Variants in DGKG observed in about 807,000 individuals in gnomAD.
The protein encoded by DGKG is diacylglycerol kinase gamma, also known as DAG kinase gamma.
DGKG carries 78 observed loss-of-function variants against 105.3 expected under a neutral mutation model. The ratio of observed to expected loss-of-function variants is 0.74; its 90% CI spans 0.62 to 0.89. DGKG has a LOEUF of 0.89. Ranked by LOEUF, DGKG falls within the 40% of genes least tolerant of loss-of-function variation. The pLI, the probability that DGKG is intolerant of heterozygous loss-of-function variation, is 0.00. For synonymous variants in DGKG, 346 were observed against 367.1 expected, an observed-to-expected ratio of 0.94 and a Z score of 0.66; for missense variants, 958 against 1,020.1, an observed-to-expected ratio of 0.94 and a Z score of 0.83.
At chr3:186,297,524 T>TTCCAAGAAGCTGGAGGGC in intron 4 of DGKG, 41 bp from the exon 5 acceptor site, 1 of 1,461,432 alleles carries the variant, frequency 6.8e-7, no homozygotes, top group Non-Finnish European at 9.6e-7. Context: ...ACCCAGGCCC[T>TTCCAAGAAGCTGGAGGGC]CTAGCTTCTT....
intron 20 of DGKG, among the ~76,000 whole-genome samples, chr3:186,228,607 G>A (rs933195947): frequency 6.6e-6 from 1 of 151,924 alleles, no homozygotes; most frequent in African/African-American, 2.4e-5. Context: ...GGGAACCTCC[G>A]GCCTCTCCGC....
At chr3:186,153,221 ATCC>A (rs1201460299) in intron 24 of DGKG, among the ~76,000 whole-genome samples, 1 of 152,132 alleles carries the variant, frequency 6.6e-6, no homozygotes, top group African/African-American at 2.4e-5. Context: ...ATGAAATCAT[ATCC>A]TCATTTCCAG....
chr3:186,234,689 G>A (rs1578702919), intron 20 of DGKG, among the ~76,000 whole-genome samples: 1 of 152,272 alleles, frequency 6.6e-6, no homozygotes, highest in Middle Eastern at 3.4e-3. Flanking sequence ...CTGGCCAGTG[G>A]GTAACCTTGT....
chr3:186,310,409 C>T (rs1578815671), intron 2 of DGKG, among the ~76,000 whole-genome samples: 2 of 151,964 alleles, frequency 1.3e-5, no homozygotes, highest in South Asian at 4.1e-4. Flanking sequence ...GTATCAATAC[C>T]CTTTAAAAAA....
chr3:186,247,254 G>C (rs1372125501), intron 19 of DGKG, among the ~76,000 whole-genome samples: 1 of 152,202 alleles, frequency 6.6e-6, no homozygotes, highest in African/African-American at 2.4e-5. Flanking sequence ...GAGGCCAGGA[G>C]ACCCTGCCTT....
intron 22 of DGKG, among the ~76,000 whole-genome samples, chr3:186,182,806 CT>C (rs1423606741): frequency 2.0e-5 from 3 of 152,162 alleles, no homozygotes; most frequent in Non-Finnish European, 4.4e-5. Context: ...CCTCTCTCCC[CT>C]CTTCCAACAA....
intron 20 of DGKG, 107 bp downstream of exon 20, chr3:186,242,397 G>T: frequency 1.1e-6 from 1 of 888,284 alleles, no homozygotes; most frequent in Non-Finnish European, 1.7e-6. Context: ...GGAAGGCCAA[G>T]TCCCCAGCGG....
intron 20 of DGKG, 91 bp downstream of exon 20, chr3:186,242,413 G>A (rs891351509): frequency 8.6e-7 from 1 of 1,162,040 alleles, no homozygotes. Context: ...AGCGGCCCTG[G>A]CTGGGAAAAT....
Position 186,150,293 on chromosome 3 carries a change from C to G in DGKG, c.2278-105G>C, listed in dbSNP as rs193124874. On this transcript the variant is annotated intron_variant, in intron 24 of 24. Transcript: ENST00000265022. ...AAGGCCAGCTTCAGGATGGAAGGAG[C>G]CCCATGCAGAAGGACAACTGTCCTT... 19 of 1,394,018 alleles carry G rather than the reference C, an allele frequency of 1.4e-5. No individual in the cohort carries two copies. In the Admixed American group the frequency reaches 4.5e-4, roughly 33 times the overall value. 86.4% of individuals were successfully genotyped at this position (1,394,018 alleles called of 1,614,324 possible).
intron 13 of DGKG, among the ~76,000 whole-genome samples, chr3:186,265,819 C>T (rs1229670535): frequency 4.6e-5 from 7 of 151,880 alleles, no homozygotes; most frequent in African/African-American, 1.2e-4. Flanking sequence ...CGTGCCACCA[C>T]GCCCAGCTAA....
chr3:186,160,825 G>T (rs562004618), intron 24 of DGKG: 1 of 985,322 alleles, frequency 1.0e-6, no homozygotes, highest in East Asian at 1.1e-4. Context: ...TCTAACTGAG[G>T]ACAAACTAAG....
intron 1 of DGKG, among the ~76,000 whole-genome samples, chr3:186,345,909 C>T (rs1726308262): frequency 6.6e-6 from 1 of 152,132 alleles, no homozygotes; most frequent in Non-Finnish European, 1.5e-5. Context: ...GCTGGGATTA[C>T]AGGTGCCCGC....
chr3:186,341,590 G>A (rs750314254), intron 1 of DGKG, among the ~76,000 whole-genome samples: 12 of 152,190 alleles, frequency 7.9e-5, no homozygotes, highest in Admixed American at 2.6e-4. Context: ...CTGGTGACAC[G>A]TACACATATG....
At chr3:186,353,660 A>ATATCTATATCTATATCTG (rs1726758023) in intron 1 of DGKG, among the ~76,000 whole-genome samples, 1 of 124,428 alleles carries the variant, frequency 8.0e-6, no homozygotes, top group Non-Finnish European at 1.6e-5. Context: ...GTCTATGTCT[A>ATATCTATATCTATATCTG]TATCTATATC....
intron 1 of DGKG, among the ~76,000 whole-genome samples, chr3:186,340,396 A>C (rs1452579963): frequency 6.6e-6 from 1 of 152,198 alleles, no homozygotes; most frequent in Non-Finnish European, 1.5e-5. Flanking sequence ...ATTTGGCTGA[A>C]TGTGTTTAAT....
At chr3:186,155,573 G>A (rs947124755) in intron 24 of DGKG, among the ~76,000 whole-genome samples, 9 of 152,140 alleles carry the variant, frequency 5.9e-5, no homozygotes, top group Non-Finnish European at 1.3e-4. Flanking sequence ...TAATGTAGAC[G>A]TGACATTCTT....
intron 13 of DGKG, 59 bp downstream of exon 13, chr3:186,267,626 C>T (rs920186300): frequency 6.6e-6 from 9 of 1,354,792 alleles, no homozygotes; most frequent in Non-Finnish European, 9.5e-6. Flanking sequence ...TGAAAGCTGC[C>T]TACATCTGAA....
intron 20 of DGKG, among the ~76,000 whole-genome samples, chr3:186,236,165 C>A (rs1329555575): frequency 6.6e-6 from 1 of 152,196 alleles, no homozygotes; most frequent in Non-Finnish European, 1.5e-5. Context: ...CATATTCCCA[C>A]CCCCAGGAGA....
At chr3:186,180,542 AC>A (rs1410350957) in intron 22 of DGKG, among the ~76,000 whole-genome samples, 1 of 151,984 alleles carries the variant, frequency 6.6e-6, no homozygotes. Flanking sequence ...TTAAATGCAA[AC>A]TTTTTAGGAA....
Sources: allele counts gnomAD v4.1 joint callset (sites outside exome capture counted in the v4.1 genomes callset), GRCh38; gene constraint gnomAD v4.1.1; transcripts MANE v1.5; gene names NCBI Gene and HGNC (gene_info 2026-07-23, HGNC 2026-07-21).